The following GPC6 variants were observed in gnomAD, a reference collection of about 807,000 sequenced individuals.
GPC6 encodes the protein glypican 6, also known as glypican-6.
GPC6 carries 14 observed loss-of-function variants against 55.2 expected under a neutral mutation model. The observed-to-expected ratio is 0.25, with a 90% CI of 0.17 to 0.40. GPC6 has a LOEUF of 0.40. Ranked by LOEUF, GPC6 falls within the 10% of genes least tolerant of loss-of-function variation. The pLI, the probability that GPC6 is intolerant of heterozygous loss-of-function variation, is 1.00. For missense variants in GPC6, 641 were observed against 708.5 expected (o/e 0.90, Z 1.08); for synonymous variants, 278 against 259.6 (o/e 1.07, Z -0.68).
At chr13:93,871,811 G>C (rs1271718613) in intron 3 of GPC6, among the ~76,000 whole-genome samples, 1 of 151,854 alleles carries the variant, frequency 6.6e-6, no homozygotes, top group African/African-American at 2.4e-5. Flanking sequence ...TTGAGTGAAG[G>C]AAAGCAAAAG....
At chr13:93,940,499 A>G (rs1255619990) in intron 3 of GPC6, among the ~76,000 whole-genome samples, 1 of 152,022 alleles carries the variant, frequency 6.6e-6, no homozygotes, top group Non-Finnish European at 1.5e-5. Flanking sequence ...AATAAATCAC[A>G]TCTCAACTGA....
At chr13:94,320,946 A>C (rs1184937792) in intron 6 of GPC6, among the ~76,000 whole-genome samples, 1 of 152,238 alleles carries the variant, frequency 6.6e-6, no homozygotes, top group Non-Finnish European at 1.5e-5. Context: ...TCAGGGGTAC[A>C]CATGCAGGTT....
chr13:93,946,694 A>T (rs1594610813), intron 3 of GPC6, among the ~76,000 whole-genome samples: 1 of 152,162 alleles, frequency 6.6e-6, no homozygotes, highest in African/African-American at 2.4e-5. Flanking sequence ...TTAAAACCCC[A>T]AACTCTTGAA....
At chr13:94,135,956 A>C (rs774174117) in intron 4 of GPC6, among the ~76,000 whole-genome samples, 1 of 152,190 alleles carries the variant, frequency 6.6e-6, no homozygotes, top group Non-Finnish European at 1.5e-5. Context: ...TTCCAGGCAG[A>C]AGAATAGCAC....
At chr13:94,067,478 GTCTCTC>G (rs5805845) in intron 4 of GPC6, among the ~76,000 whole-genome samples, 8 of 144,832 alleles carry the variant, frequency 5.5e-5, no homozygotes, top group Non-Finnish European at 1.0e-4. Context: ...CTGTCTGTCT[GTCTCTC>G]TCTCTCTCTC....
In GPC6 at chr13:94,282,330, G is replaced by A. The variant is rs573450822; in HGVS notation, c.878-4019G>A. On this transcript the variant is annotated intron_variant, in intron 4 of 8. Coordinates refer to ENST00000377047, the MANE Select transcript of GPC6 (RefSeq NM_005708.5). Reference sequence around the variant, plus strand: ...AACATGTCCTTCTTCACATGGCAACGTAAGGAGAAGTATGAGCAAAGGGGA... The same window carrying A: ...AACATGTCCTTCTTCACATGGCAACATAAGGAGAAGTATGAGCAAAGGGGA... 1.1e-4 allele frequency among the ~76,000 whole-genome samples: 16 copies of A among 152,242 alleles called. No individual in the cohort carries two copies. In the East Asian group the frequency reaches 2.1e-3, roughly 20 times the overall value.
chr13:94,104,999 G>A (rs182542594), intron 4 of GPC6, among the ~76,000 whole-genome samples: 34 of 152,164 alleles, frequency 2.2e-4, no homozygotes, highest in African/African-American at 2.9e-4. Flanking sequence ...AAAAGAGCCC[G>A]CATTGCCAAC....
intron 4 of GPC6, among the ~76,000 whole-genome samples, chr13:94,271,922 T>G (rs149250287): frequency 4.4e-4 from 67 of 152,280 alleles, no homozygotes; most frequent in Non-Finnish European, 7.1e-4. Context: ...TGAGATGAAG[T>G]CATTCACTTC....
intron 1 of GPC6, among the ~76,000 whole-genome samples, chr13:93,505,531 G>A (rs577740331): frequency 1.1e-4 from 17 of 151,926 alleles, no homozygotes; most frequent in Admixed American, 1.1e-3. Flanking sequence ...ACTCTAACTC[G>A]TCTGAGTGAA....
intron 1 of GPC6, among the ~76,000 whole-genome samples, chr13:93,365,355 A>C (rs1881207697): frequency 6.6e-6 from 1 of 152,092 alleles, no homozygotes; most frequent in Non-Finnish European, 1.5e-5. Context: ...GTCCTGTATA[A>C]GATTCTCAAA....
At chr13:93,938,575 GAC>G (rs1878560846) in intron 3 of GPC6, among the ~76,000 whole-genome samples, 1 of 152,066 alleles carries the variant, frequency 6.6e-6, no homozygotes, top group African/African-American at 2.4e-5. Context: ...ACAATAAAAA[GAC>G]ACAAATAAAA....
chr13:94,319,190 C>T (rs998415567), intron 6 of GPC6, among the ~76,000 whole-genome samples: 1 of 151,870 alleles, frequency 6.6e-6, no homozygotes, highest in African/African-American at 2.4e-5. Flanking sequence ...TTTCTTACTT[C>T]ACTCTTTTTC....
At chr13:93,406,033 T>C (rs1487014983) in intron 1 of GPC6, among the ~76,000 whole-genome samples, 2 of 77,568 alleles carry the variant, frequency 2.6e-5, no homozygotes, top group African/African-American at 5.7e-5. Context: ...AAGCCACAAG[T>C]CTTCTTGAAG....
intron 1 of GPC6, among the ~76,000 whole-genome samples, chr13:93,295,402 T>TGAGATCAGGAGGCC (rs1878459673): frequency 1.3e-5 from 2 of 151,584 alleles, no homozygotes; most frequent in Admixed American, 1.3e-4. Flanking sequence ...TTCTGGAGGC[T>TGAGATCAGGAGGCC]GGAAGTCTGA....
chr13:93,296,719 A>G (rs57871696), intron 1 of GPC6, among the ~76,000 whole-genome samples: 3,250 of 152,294 alleles, frequency 0.021, 123 homozygotes, highest in African/African-American at 0.074. Context: ...GAGGCATTAC[A>G]TAGGCATTAA....
intron 2 of GPC6, among the ~76,000 whole-genome samples, chr13:93,748,569 T>C (rs1417283233): frequency 1.3e-5 from 2 of 152,150 alleles, no homozygotes; most frequent in South Asian, 4.1e-4. Context: ...TTGCCGTTTA[T>C]GGCTTCATAT....
chr13:93,421,977 A>G (rs1012490688), intron 1 of GPC6, among the ~76,000 whole-genome samples: 2 of 152,172 alleles, frequency 1.3e-5, no homozygotes, highest in African/African-American at 4.8e-5. Context: ...GCAATTTTCA[A>G]CATTATATTT....
chr13:94,223,965 G>A (rs991527024), intron 4 of GPC6, among the ~76,000 whole-genome samples: 16 of 152,116 alleles, frequency 1.1e-4, no homozygotes, highest in Non-Finnish European at 1.0e-4. Flanking sequence ...TTCTTGTTTC[G>A]GCTGTCACAC....
chr13:93,372,868 G>T (rs970521263), intron 1 of GPC6, among the ~76,000 whole-genome samples: 5 of 152,132 alleles, frequency 3.3e-5, no homozygotes, highest in African/African-American at 1.2e-4. Context: ...AATTGTTCTT[G>T]AAGGACACAC....
Sources: allele counts gnomAD v4.1 joint callset (sites outside exome capture counted in the v4.1 genomes callset), GRCh38; gene constraint gnomAD v4.1.1; transcripts MANE v1.5; gene names NCBI Gene and HGNC (gene_info 2026-07-23, HGNC 2026-07-21).